GPR141: variants seen among roughly 807,000 people sequenced by gnomAD.
GPR141 encodes probable G protein-coupled receptor 141.
A neutral mutation model predicts 6.8 loss-of-function variants in GPR141; 6 were observed. The observed-to-expected ratio is 0.88, with a 90% CI of 0.48 to 1.74. GPR141 has a LOEUF of 1.74. Ranked by LOEUF, GPR141 falls within the 40% of genes most tolerant of loss-of-function variation. GPR141 has a pLI of 0.01. For missense variants in GPR141, 372 were observed against 372.9 expected (o/e 1.00, Z 0.02); for synonymous variants, 140 against 142.3 (o/e 0.98, Z 0.11).
intron 2 of GPR141, among the ~76,000 whole-genome samples, chr7:37,739,572 A>T (rs985772070): frequency 2.6e-5 from 4 of 152,224 alleles, no homozygotes; most frequent in South Asian, 4.1e-4. Context: ...TGAAATTAAA[A>T]GATTACTAAA....
intron 2 of GPR141, among the ~76,000 whole-genome samples, chr7:37,733,399 G>A (rs1812069913): frequency 6.6e-6 from 1 of 152,090 alleles, no homozygotes; most frequent in Non-Finnish European, 1.5e-5. Flanking sequence ...CAGCCAGGCA[G>A]GGTGGCTCAC....
At chr7:37,723,257 T>A (rs2717930) in intron 2 of GPR141, among the ~76,000 whole-genome samples, 25,757 of 151,876 alleles carry the variant, frequency 0.17, 3,817 homozygotes, top group African/African-American at 0.4. Flanking sequence ...CCTCCCAAAG[T>A]GCCTGGATTA....
At chr7:37,694,292 G>T (rs1212173218) in intron 2 of GPR141, among the ~76,000 whole-genome samples, 1 of 152,264 alleles carries the variant, frequency 6.6e-6, no homozygotes, top group Non-Finnish European at 1.5e-5. Context: ...CAGCTCTGCC[G>T]GGGCACTGTT....
At chr7:37,719,326 T>C (rs1027496437) in intron 2 of GPR141, among the ~76,000 whole-genome samples, 4 of 152,180 alleles carry the variant, frequency 2.6e-5, no homozygotes, top group Non-Finnish European at 4.4e-5. Flanking sequence ...GGATTAGTCA[T>C]CTTGTCTGAC....
chr7:37,699,562 A>ACT (rs1810183982), intron 2 of GPR141, among the ~76,000 whole-genome samples: 1 of 152,226 alleles, frequency 6.6e-6, no homozygotes, highest in Non-Finnish European at 1.5e-5. Context: ...CTCCGACTCA[A>ACT]AAAACAAAAC....
chr7:37,724,505 T>A (rs571370510), intron 2 of GPR141, among the ~76,000 whole-genome samples: 1 of 152,278 alleles, frequency 6.6e-6, no homozygotes, highest in East Asian at 1.9e-4. Flanking sequence ...CCCACACTGC[T>A]TCAGATATTT....
At chr7:37,722,720 CAAA>C (rs146286812) in intron 2 of GPR141, among the ~76,000 whole-genome samples, 127 of 121,188 alleles carry the variant, frequency 1.0e-3, no homozygotes, top group South Asian at 0.01. Flanking sequence ...GACTCCATCT[CAAA>C]AAAAAAAAAA....
intron 2 of GPR141, among the ~76,000 whole-genome samples, chr7:37,703,100 A>T (rs1040920685): frequency 7.9e-5 from 12 of 152,094 alleles, no homozygotes; most frequent in Non-Finnish European, 1.5e-4. Flanking sequence ...ATTTGTATAA[A>T]AGGTCTTTAT....
intron 2 of GPR141, among the ~76,000 whole-genome samples, chr7:37,694,068 C>T (rs1809908054): frequency 6.6e-6 from 1 of 152,190 alleles, no homozygotes; most frequent in South Asian, 2.1e-4. Flanking sequence ...GGCACCATTT[C>T]CTGGGAGGCA....
At position 37,720,282 on chromosome 7, in the gene GPR141, C is replaced by A. The variant is rs575241606; in HGVS notation, c.-14-20098C>A. Among the ~76,000 whole-genome samples, 3 of 152,022 alleles carry A rather than the reference C, an allele frequency of 2.0e-5. No homozygotes were observed. The South Asian group carries it at 6.2e-4, about 32-fold the overall frequency. On this transcript the variant is annotated intron_variant, in intron 2 of 2. Transcript: ENST00000334425. The stretch of plus-strand genomic sequence containing the variant: ...GGTTCACAGGGCACAGGGCGGCAGG[C>A]ACTTAGAGATACCAGACCCTGGTGC...
intron 2 of GPR141, among the ~76,000 whole-genome samples, chr7:37,711,170 G>T (rs1474702659): frequency 6.6e-6 from 1 of 152,118 alleles, no homozygotes; most frequent in Non-Finnish European, 1.5e-5. Flanking sequence ...TAAATCAATG[G>T]TTCTCAAAAT....
intron 2 of GPR141, among the ~76,000 whole-genome samples, chr7:37,689,911 G>A (rs769773504): frequency 6.0e-5 from 9 of 149,066 alleles, no homozygotes; most frequent in African/African-American, 7.5e-5. Context: ...TTTCTGCTCC[G>A]ATCGTTATTA....
At chr7:37,733,681 AAAAAAAAG>A (rs1418295127) in intron 2 of GPR141, among the ~76,000 whole-genome samples, 15 of 150,946 alleles carry the variant, frequency 9.9e-5, no homozygotes, top group South Asian at 2.1e-4. Flanking sequence ...CAAAAAAAAA[AAAAAAAAG>A]AAAAAAGAAA....
rs1810698191 is a variant in GPR141, at chr7:37,709,688, A to C, written c.-15+24105A>C. On this transcript the variant is annotated intron_variant, in intron 2 of 2. Transcript: ENST00000334425. ...GTTTTAATTTTCACTTTGCATGGTC[A>C]CTTTACGTTGTCCACACAACTTATT... The C allele has an allele frequency of 2.0e-5, 3 of 152,232 alleles. No individual in the cohort carries two copies. The South Asian group carries it at 6.2e-4, about 31-fold the overall frequency. 9.4% of individuals were successfully genotyped at this position (152,232 alleles called of 1,614,324 possible).
At chr7:37,702,127 A>T (rs1377806067) in intron 2 of GPR141, among the ~76,000 whole-genome samples, 1 of 152,196 alleles carries the variant, frequency 6.6e-6, no homozygotes, top group East Asian at 1.9e-4. Context: ...CATCTTATTT[A>T]AAACATGTCT....
rs1812561130 is a variant in GPR141 at position 37,741,461 on chromosome 7, T to C, written c.*150T>C. ...CTATAAAATGCAAGAGCCCTCATTG[T>C]AGTCCTTATGGGATCCCTCCCATCT... On this transcript the variant is annotated 3_prime_UTR_variant, in exon 3 of 3. Coordinates refer to ENST00000334425, the MANE Select transcript of GPR141 (RefSeq NM_001381946.1). 1.6e-6 allele frequency: 1 copy of C among 614,532 alleles called. No individual in the cohort carries two copies. Among genetic ancestry groups the C allele is most frequent in the African/African-American group, 1.8e-5 (1 of 54,160 alleles). 38.1% of individuals were successfully genotyped at this position (614,532 alleles called of 1,614,324 possible). A position where few individuals can be genotyped will look rare whatever the true frequency, so the allele number is the denominator to read the frequency against.
chr7:37,720,663 C>A (rs952291709), intron 2 of GPR141, among the ~76,000 whole-genome samples: 1 of 151,544 alleles, frequency 6.6e-6, no homozygotes. Flanking sequence ...ATGGCGTGAA[C>A]CCGGAAGGCG....
rs980333020 is a variant in GPR141 at position 37,743,190 on chromosome 7, G to T, written c.*1879G>T. 6.7e-6 allele frequency among the ~76,000 whole-genome samples: 1 copy of T among 149,866 alleles called. No homozygotes were observed. The highest frequency in any genetic ancestry group is 1.5e-5 in the Non-Finnish European group (1 of 67,630). ...TAAGGGAACTTTTTTTTTCATCAAG[G>T]TATATCTTCGGGATTTAAAAGTTTT... On this transcript the variant is annotated 3_prime_UTR_variant, in exon 3 of 3. Transcript: ENST00000334425.
Position 37,741,157 on chromosome 7 carries a change from C to T in GPR141, c.764C>T (p.Ser255Phe). 1 of 1,614,004 alleles carries T rather than the reference C, an allele frequency of 6.2e-7. No individual in the cohort carries two copies. Residue 255 changes from serine to phenylalanine, a missense_variant, in exon 3 of 3, where the codon TCC becomes TTC. Transcript: ENST00000334425. The stretch of plus-strand genomic sequence containing the variant: ...TATTACTTGAATGTTGTGACGCATT[C>T]CAATGCCTGTAACAGCAAGGTTGCA... ...RIYYLNVVTHSNACNSKVAFY... is the reference protein window; with the variant it reads ...RIYYLNVVTHFNACNSKVAFY...
Sources: allele counts gnomAD v4.1 joint callset (sites outside exome capture counted in the v4.1 genomes callset), GRCh38; gene constraint gnomAD v4.1.1; transcripts MANE v1.5; gene names NCBI Gene and HGNC (gene_info 2026-07-23, HGNC 2026-07-21).